ZNF577: variants seen among roughly 807,000 people sequenced by gnomAD.
The protein encoded by ZNF577 is zinc finger protein 577.
Under a neutral mutation model 13.9 loss-of-function variants are expected in ZNF577, and 14 were observed. The ratio of observed to expected loss-of-function variants is 1.00; its 90% confidence interval spans 0.66 to 1.57. The LOEUF is 1.57. Ranked by LOEUF, ZNF577 falls within the 40% of genes most tolerant of loss-of-function variation. The pLI, the probability that ZNF577 is intolerant of heterozygous loss-of-function variation, is 0.00. For synonymous variants in ZNF577, 203 were observed against 202.9 expected (o/e 1.00, Z 0.00); for missense variants, 555 against 579.2 (o/e 0.96, Z 0.43).
At chr19:51,833,655 C>T (rs2084272853) in intron 9 of ZNF577, among the ~76,000 whole-genome samples, 1 of 152,094 alleles carries the variant, frequency 6.6e-6, no homozygotes, top group Non-Finnish European at 1.5e-5. Flanking sequence ...GAGGACAATG[C>T]CTCTGATTCC....
chr19:51,861,012 TATC>T, intron 5 of ZNF577: 1 of 411,088 alleles, frequency 2.4e-6, no homozygotes, highest in Non-Finnish European at 4.7e-6. Flanking sequence ...GAGAATGATT[TATC>T]ATTTTCATTA....
chr19:51,841,291 C>T (rs13346646), intron 8 of ZNF577, among the ~76,000 whole-genome samples: 11,601 of 152,220 alleles, frequency 0.076, 661 homozygotes, highest in South Asian at 0.22. Context: ...CTCACTTCTG[C>T]AGGTCTTATG....
intron 9 of ZNF577, among the ~76,000 whole-genome samples, chr19:51,831,173 T>C (rs13346104): frequency 0.42 from 64,232 of 151,880 alleles, 13,767 homozygotes; most frequent in South Asian, 0.58. Flanking sequence ...TGGAGTGCTG[T>C]GGTGCGATCT....
intron 9 of ZNF577, among the ~76,000 whole-genome samples, chr19:51,833,537 G>A (rs1209288240): frequency 1.3e-5 from 2 of 152,204 alleles, no homozygotes; most frequent in African/African-American, 4.8e-5. Flanking sequence ...GATGGCATGA[G>A]CCTGTAGGTG....
chr19:51,861,883 T>G (rs1287587280), intron 5 of ZNF577: 1 of 152,344 alleles, frequency 6.6e-6, no homozygotes, highest in Non-Finnish European at 1.5e-5. Context: ...ACATGCTACA[T>G]TTGAGGAGTT....
At chr19:51,884,643 AT>A (rs2084914491) in intron 1 of ZNF577, among the ~76,000 whole-genome samples, 2 of 151,442 alleles carry the variant, frequency 1.3e-5, no homozygotes, top group African/African-American at 4.9e-5. Flanking sequence ...AATCAATAGA[AT>A]AAAAAAAAAA....
intron 4 of ZNF577, 179 bp from the exon 5 acceptor site, chr19:51,877,556 C>T (rs983133948): frequency 3.4e-5 from 17 of 506,346 alleles, no homozygotes; most frequent in Non-Finnish European, 6.0e-5. Context: ...CGTGACACAC[C>T]CATACCCATT....
At chr19:51,857,373 A>AGAAG (rs2084438888) in intron 5 of ZNF577, among the ~76,000 whole-genome samples, 2 of 89,270 alleles carry the variant, frequency 2.2e-5, no homozygotes, top group African/African-American at 5.3e-5. Flanking sequence ...AAGGAAAGAA[A>AGAAG]GAAAGAAAGA....
intron 10 of ZNF577, among the ~76,000 whole-genome samples, chr19:51,810,923 G>A (rs1417612256): frequency 6.6e-6 from 1 of 152,196 alleles, no homozygotes; most frequent in African/African-American, 2.4e-5. Context: ...TGGCAGCAGA[G>A]CATAAAATTC....
At chr19:51,837,646 G>A (rs1361895343) in intron 9 of ZNF577, among the ~76,000 whole-genome samples, 1 of 152,028 alleles carries the variant, frequency 6.6e-6, no homozygotes, top group Non-Finnish European at 1.5e-5. Context: ...TATGTGTGAC[G>A]TTCTAGATTA....
At chr19:51,819,044 G>T (rs557497165) in intron 9 of ZNF577, among the ~76,000 whole-genome samples, 1 of 152,226 alleles carries the variant, frequency 6.6e-6, no homozygotes, top group East Asian at 1.9e-4. Flanking sequence ...CATTCAGCAT[G>T]TTCTGTAGAT....
intron 9 of ZNF577, among the ~76,000 whole-genome samples, chr19:51,813,295 A>G (rs1008126639): frequency 3.3e-5 from 5 of 152,162 alleles, no homozygotes; most frequent in African/African-American, 1.2e-4. Flanking sequence ...AAAGGGAAAG[A>G]CAAGTGCCTA....
At chr19:51,832,790 A>G (rs2084267035) in intron 9 of ZNF577, among the ~76,000 whole-genome samples, 1 of 150,680 alleles carries the variant, frequency 6.6e-6, no homozygotes, top group African/African-American at 2.5e-5. Context: ...TCATTTGTTG[A>G]AAATAATATT....
rs990698970 is a variant in ZNF577 at position 51,867,278 on chromosome 19, G to A, written c.*5254C>T. Among the ~76,000 whole-genome samples, 14 of 152,230 alleles carry A rather than the reference G, an allele frequency of 9.2e-5. No homozygotes were observed. The highest frequency in any genetic ancestry group is 5.8e-4 in the East Asian group (3 of 5,180). ...CAAAAGAAAGAAGCAAAACCTCACC[G>A]GGGCTTTTATCGTTTTTTTCTTCGG... On this transcript the variant is annotated 3_prime_UTR_variant, in exon 6 of 6. Coordinates refer to ENST00000638348, the MANE Select transcript of ZNF577 (RefSeq NM_001370449.1).
At chr19:51,818,588 G>A (rs1393768001) in intron 9 of ZNF577, among the ~76,000 whole-genome samples, 1 of 152,204 alleles carries the variant, frequency 6.6e-6, no homozygotes, top group Non-Finnish European at 1.5e-5. Flanking sequence ...ATACCTCTGA[G>A]GACAAGATAT....
At chr19:51,820,408 T>A (rs1290046879) in intron 9 of ZNF577, among the ~76,000 whole-genome samples, 1 of 152,182 alleles carries the variant, frequency 6.6e-6, no homozygotes, top group East Asian at 1.9e-4. Flanking sequence ...AAAATACACA[T>A]TGGTTGATAC....
chr19:51,849,417 G>A (rs1400710701), intron 5 of ZNF577, among the ~76,000 whole-genome samples: 3 of 152,182 alleles, frequency 2.0e-5, no homozygotes, highest in African/African-American at 7.2e-5. Flanking sequence ...AATGGAAGGC[G>A]TTTCGTTCAT....
intron 9 of ZNF577, among the ~76,000 whole-genome samples, chr19:51,813,409 ATATTTTTATTTT>A (rs372244495): frequency 6.6e-6 from 1 of 151,754 alleles, no homozygotes; most frequent in Admixed American, 6.6e-5. Flanking sequence ...AACCTCATTT[ATATTTTTATTTT>A]TATTTTTATT....
chr19:51,884,530 T>C (rs1003214330), intron 1 of ZNF577, among the ~76,000 whole-genome samples: 1 of 152,248 alleles, frequency 6.6e-6, no homozygotes, highest in South Asian at 2.1e-4. Flanking sequence ...TTCTATCTAA[T>C]CTTTACAGTA....
Sources: allele counts gnomAD v4.1 joint callset (sites outside exome capture counted in the v4.1 genomes callset), GRCh38; gene constraint gnomAD v4.1.1; transcripts MANE v1.5; gene names NCBI Gene and HGNC (gene_info 2026-07-23, HGNC 2026-07-21).